Variants in SYT11 observed in about 807,000 individuals in gnomAD.
SYT11 encodes the protein synaptotagmin-11.
SYT11 carries 12 observed loss-of-function variants against 30.4 expected under a neutral mutation model. The observed-to-expected ratio is 0.39, with a 90% CI of 0.25 to 0.64. The LOEUF is 0.64. Ranked by LOEUF, SYT11 falls within the 30% of genes least tolerant of loss-of-function variation. The pLI, the probability that SYT11 is intolerant of heterozygous loss-of-function variation, is 0.45. For missense variants in SYT11, 412 were observed against 552.0 expected (o/e 0.75, Z 2.54); for synonymous variants, 204 against 216.0 (o/e 0.94, Z 0.49).
At chr1:155,869,263 CTTTTTTTTTTTTTT>C (rs767071892) in intron 2 of SYT11, among the ~76,000 whole-genome samples, 3 of 83,880 alleles carry the variant, frequency 3.6e-5, no homozygotes, top group African/African-American at 1.0e-4. Context: ...ATGTACATGT[CTTTTTTTTTTTTTT>C]TTTTTTTTTT....
At chr1:155,863,598 C>A (rs574701858) in intron 1 of SYT11, among the ~76,000 whole-genome samples, 1 of 151,902 alleles carries the variant, frequency 6.6e-6, no homozygotes, top group Non-Finnish European at 1.5e-5. Flanking sequence ...ACCACCTGGG[C>A]AATATAGTGA....
chr1:155,877,189 C>T (rs1486683494), intron 2 of SYT11, among the ~76,000 whole-genome samples: 2 of 152,014 alleles, frequency 1.3e-5, no homozygotes, highest in Non-Finnish European at 2.9e-5. Context: ...AGGATGGTCT[C>T]AATCTCCTGA....
At chr1:155,875,949 G>A (rs1672852599) in intron 2 of SYT11, among the ~76,000 whole-genome samples, 1 of 152,132 alleles carries the variant, frequency 6.6e-6, no homozygotes, top group African/African-American at 2.4e-5. Flanking sequence ...GAACTAGCCT[G>A]GGAGCTTCTT....
chr1:155,876,406 C>G (rs1217497942), intron 2 of SYT11, among the ~76,000 whole-genome samples: 2 of 151,662 alleles, frequency 1.3e-5, no homozygotes, highest in African/African-American at 4.8e-5. Context: ...CCACCACGCC[C>G]GGCTAATTTT....
chr1:155,874,245 A>C (rs1337057942), intron 2 of SYT11, among the ~76,000 whole-genome samples: 1 of 151,534 alleles, frequency 6.6e-6, no homozygotes, highest in African/African-American at 2.4e-5. Context: ...CTGCACTCCA[A>C]CCTGGGTGAC....
intron 1 of SYT11, among the ~76,000 whole-genome samples, chr1:155,865,394 G>A (rs773185198): frequency 7.9e-5 from 12 of 152,032 alleles, no homozygotes; most frequent in Non-Finnish European, 1.6e-4. Flanking sequence ...TTGGGAGGCC[G>A]AGGCAATTGG....
At chr1:155,873,816 T>A (rs1672816487) in intron 2 of SYT11, among the ~76,000 whole-genome samples, 1 of 152,262 alleles carries the variant, frequency 6.6e-6, no homozygotes, top group Non-Finnish European at 1.5e-5. Context: ...AGCTAGTGGC[T>A]ACTGTATTGG....
chr1:155,881,039 AGT>A (rs1672951859), intron 3 of SYT11, among the ~76,000 whole-genome samples, 157 bp from the exon 4 acceptor site: 1 of 152,136 alleles, frequency 6.6e-6, no homozygotes, highest in Admixed American at 6.6e-5. Context: ...ACATATAGTC[AGT>A]GTGTGTTTAT....
In SYT11 at chr1:155,880,595, G is replaced by C; in HGVS notation, c.957G>C (p.Pro319=). The C allele has an allele frequency of 1.2e-6, 2 of 1,614,020 alleles. No homozygotes were observed. The highest frequency in any genetic ancestry group is 1.7e-6 in the Non-Finnish European group (2 of 1,179,948). The change falls in exon 3 of 4, where the codon CCG becomes CCC. Residue 319 remains proline, a synonymous_variant. Coordinates refer to ENST00000368324, the MANE Select transcript of SYT11 (RefSeq NM_152280.5). ...TVVVLKARHL[P]KMDITGLSGN... is the part of the protein sequence containing the mutation. ...TGGTCCTCAAAGCCAGACACTTGCC[G>C]AAGATGGATATCACCGGTCTCTCAG...
At chr1:155,861,114 C>G (rs958853664) in intron 1 of SYT11, among the ~76,000 whole-genome samples, 1 of 152,162 alleles carries the variant, frequency 6.6e-6, no homozygotes, top group Non-Finnish European at 1.5e-5. Context: ...GCTCTATCCC[C>G]TCAGAATAAG....
At chr1:155,871,396 T>A (rs563874899) in intron 2 of SYT11, among the ~76,000 whole-genome samples, 25 of 152,174 alleles carry the variant, frequency 1.6e-4, no homozygotes, top group African/African-American at 5.8e-4. Context: ...AATACACCCT[T>A]CCCTGTGACT....
chr1:155,866,121 T>TC (rs1672670141), intron 1 of SYT11, among the ~76,000 whole-genome samples: 1 of 146,792 alleles, frequency 6.8e-6, no homozygotes. Context: ...TTTTTCTTTT[T>TC]TTTTTTTTTG....
In SYT11 at chr1:155,859,925, C is replaced by A. The variant is rs559150910; in HGVS notation, c.34+130C>A. 2.1e-5 allele frequency: 19 copies of A among 910,948 alleles called. No individual in the cohort carries two copies. The African/African-American group carries it at 2.8e-4, about 13-fold the overall frequency. The allele number at this position is 910,948 out of a possible 1,614,324, so 56.4% of individuals were successfully genotyped here. On this transcript the variant is annotated intron_variant, in intron 1 of 3. Coordinates refer to ENST00000368324, the MANE Select transcript of SYT11 (RefSeq NM_152280.5). ...AATGCCAGCCCCACTAAAATCGGGC[C>A]TGTGGTGGTGGGTAGTGGGTAGTGG...
chr1:155,873,419 C>T (rs1220182699), intron 2 of SYT11, among the ~76,000 whole-genome samples: 1 of 151,940 alleles, frequency 6.6e-6, no homozygotes, highest in Non-Finnish European at 1.5e-5. Flanking sequence ...AGCAAGACTC[C>T]GTCTCAAAAA....
chr1:155,875,203 T>G (rs1181030449), intron 2 of SYT11, among the ~76,000 whole-genome samples: 1 of 120,296 alleles, frequency 8.3e-6, no homozygotes, highest in East Asian at 2.2e-4. Context: ...CAGTAAGCCA[T>G]CGCACCACTG....
chr1:155,864,969 C>A (rs1181927203), intron 1 of SYT11, among the ~76,000 whole-genome samples: 1 of 152,056 alleles, frequency 6.6e-6, no homozygotes, highest in East Asian at 1.9e-4. Context: ...CCTCAGCCTC[C>A]CAAAGTGCTG....
At chr1:155,870,708 C>T (rs1672767499) in intron 2 of SYT11, among the ~76,000 whole-genome samples, 1 of 152,108 alleles carries the variant, frequency 6.6e-6, no homozygotes, top group Admixed American at 6.6e-5. Flanking sequence ...ACAAGGTTTG[C>T]CTGCTGAAGA....
intron 2 of SYT11, among the ~76,000 whole-genome samples, chr1:155,878,693 G>A (rs185876184): frequency 1.4e-3 from 205 of 151,434 alleles, no homozygotes; most frequent in African/African-American, 4.6e-3. Flanking sequence ...GTGAAGCCCC[G>A]TCTCTACTAA....
intron 1 of SYT11, among the ~76,000 whole-genome samples, chr1:155,861,560 C>T (rs946090095): frequency 6.6e-6 from 1 of 152,180 alleles, no homozygotes; most frequent in Admixed American, 6.5e-5. Context: ...GAAACCAAAG[C>T]TCAGAAATAA....
Sources: allele counts gnomAD v4.1 joint callset (sites outside exome capture counted in the v4.1 genomes callset), GRCh38; gene constraint gnomAD v4.1.1; transcripts MANE v1.5; gene names NCBI Gene and HGNC (gene_info 2026-07-23, HGNC 2026-07-21).